Variants in COX15 observed in about 807,000 individuals in gnomAD.
The protein encoded by COX15 is cytochrome c oxidase assembly factor COX15, also known as heme A synthase COX15.
Under a neutral mutation model 51.9 loss-of-function variants are expected in COX15, and 51 were observed. The observed-to-expected ratio is 0.98, with a 90% confidence interval of 0.78 to 1.24. The LOEUF is 1.24. COX15 is among the 50% of genes most tolerant of loss of function. The probability of loss-of-function intolerance (pLI) is 0.00; values close to 1 mark genes in which losing one functional copy is unlikely to be tolerated. For missense variants in COX15, 420 were observed against 501.1 expected (o/e 0.84, Z 1.55); for synonymous variants, 188 against 190.5 (o/e 0.99, Z 0.11).
chr10:99,709,164 G>C, downstream of COX15: 1 of 985,152 alleles, frequency 1.0e-6, no homozygotes, highest in Non-Finnish European at 1.2e-6. Flanking sequence ...CTAGATGAAG[G>C]TATAAATGCC....
At chr10:99,695,947 G>C in the COX15 span, 1 of 1,610,402 alleles carries the variant, frequency 6.2e-7, no homozygotes, top group East Asian at 2.2e-5. Flanking sequence ...TCTTGGTATT[G>C]TATTATAGGA....
chr10:99,715,864 C>T (rs369637920), intron 8 of COX15, among the ~76,000 whole-genome samples: 26 of 152,092 alleles, frequency 1.7e-4, no homozygotes, highest in African/African-American at 6.0e-4. Context: ...TTCATGTTTA[C>T]TGGCCATTAA....
chr10:99,727,411 G>A (rs1276638252), intron 3 of COX15, 30 bp downstream of exon 3: 1 of 1,610,488 alleles, frequency 6.2e-7, no homozygotes, highest in South Asian at 1.1e-5. Flanking sequence ...GGCCTACTGG[G>A]ATGTTTACCT....
rs1486568974 is a variant in COX15, at chr10:99,724,012, C to T, written c.694G>A (p.Val232Ile). 2 of 1,614,058 alleles carry T rather than the reference C, an allele frequency of 1.2e-6. No homozygotes were observed. The highest frequency in any genetic ancestry group is 1.1e-5 in the South Asian group (1 of 91,074). The change falls in exon 5 of 9, where the codon GTT becomes ATT. Residue 232 changes from valine (V) to isoleucine (I), a missense_variant. Transcript: ENST00000016171. ...GTCCACAAGCTGGCACAATAAAGAA[C>T]CAGGGCTGATCCCAGGTGGGCAGCA... ...RLAAHLGSALVLYCASLWTSL... is the reference protein window; with the variant it reads ...RLAAHLGSALILYCASLWTSL...
chr10:99,711,253 G>T lies in COX15; in HGVS notation c.*3334C>A. On this transcript the variant is annotated 3_prime_UTR_variant, in exon 9 of 9. Coordinates refer to ENST00000016171, the MANE Select transcript of COX15 (RefSeq NM_078470.6). Reference sequence around the variant, plus strand: ...ATCTGAAACCTTAACTTACTCATGAGTTGCTACTTCCTTGGAGGCAACTGT... The same window carrying T: ...ATCTGAAACCTTAACTTACTCATGATTTGCTACTTCCTTGGAGGCAACTGT... 4 of 985,394 alleles carry T rather than the reference G, an allele frequency of 4.1e-6. No individual in the cohort carries two copies. Among genetic ancestry groups the T allele is most frequent in the Non-Finnish European group, 4.8e-6 (4 of 829,906 alleles). 61.0% of individuals were successfully genotyped at this position (985,394 alleles called of 1,614,324 possible).
chr10:99,717,262 G>T (rs2036608185), intron 7 of COX15, among the ~76,000 whole-genome samples: 1 of 152,172 alleles, frequency 6.6e-6, no homozygotes, highest in African/African-American at 2.4e-5. Flanking sequence ...CTCATTCTGA[G>T]GGTCCCATCC....
At chr10:99,727,677 C>A (rs1443087691) in intron 2 of COX15, 114 bp from the exon 3 acceptor site, 48 of 1,275,968 alleles carry the variant, frequency 3.8e-5, no homozygotes, top group Non-Finnish European at 5.3e-5. Context: ...CACATTGTTT[C>A]CTTGTTTCCT....
chr10:99,704,342 T>A, the COX15 span: 1 of 1,066,840 alleles, frequency 9.4e-7, no homozygotes, highest in African/African-American at 1.6e-5. Flanking sequence ...ATAAAATGTT[T>A]ATGTGGATGG....
chr10:99,701,785 C>T, the COX15 span, among the ~76,000 whole-genome samples: 1 of 151,992 alleles, frequency 6.6e-6, no homozygotes, highest in East Asian at 1.9e-4. Context: ...TGGTGGCTCA[C>T]ACCTGTAATC....
At position 99,712,961 on chromosome 10, in the gene COX15, C is replaced by T. The variant is rs1361768768; in HGVS notation, c.*1626G>A. 1.6e-5 allele frequency: 16 copies of T among 970,340 alleles called. No individual in the cohort carries two copies. The highest frequency in any genetic ancestry group is 1.9e-5 in the Non-Finnish European group (15 of 805,060). The allele number at this position is 970,340 out of a possible 1,614,324, so 60.1% of individuals were successfully genotyped here. ...GATGTTCTCTGCTCCAGTTAAATAT[C>T]CCTAGTTCCTTCACCTATTCCCTGT... is the stretch of plus-strand genomic sequence containing the variant. On this transcript the variant is annotated 3_prime_UTR_variant, in exon 9 of 9. Transcript: ENST00000016171.
downstream of COX15, chr10:99,708,944 G>A (rs938718256): frequency 1.0e-6 from 1 of 985,174 alleles, no homozygotes; most frequent in African/African-American, 1.7e-5. Context: ...CTTTACAACT[G>A]CTTCTGACAT....
At chr10:99,696,085 G>A in the COX15 span, 14 of 1,614,014 alleles carry the variant, frequency 8.7e-6, no homozygotes, top group Admixed American at 3.3e-5. Flanking sequence ...GCAGCGCTAC[G>A]AAGACCTTGT....
At chr10:99,726,210 C>A (rs374223629) in intron 4 of COX15, among the ~76,000 whole-genome samples, 1 of 152,176 alleles carries the variant, frequency 6.6e-6, no homozygotes, top group African/African-American at 2.4e-5. Context: ...TTCCTGTATG[C>A]TTCTGTGGCA....
downstream of COX15, among the ~76,000 whole-genome samples, chr10:99,706,942 G>C (rs899533159): frequency 5.3e-5 from 8 of 152,134 alleles, no homozygotes; most frequent in African/African-American, 1.9e-4. Context: ...CTTGAAACAC[G>C]GAAGTAGTGG....
chr10:99,713,329 C>A lies in COX15; in HGVS notation c.*1258G>T, dbSNP rs904230733. On this transcript the variant is annotated 3_prime_UTR_variant, in exon 9 of 9. Transcript: ENST00000016171. The stretch of plus-strand genomic sequence containing the variant: ...GTTACATTTCTAATCTGTTTAATTT[C>A]ATCTCGATGGGGTCATTCTGGGACT... 11 of 1,606,264 alleles carry A rather than the reference C, an allele frequency of 6.8e-6. No homozygotes were observed. The highest frequency in any genetic ancestry group is 2.7e-5 in the African/African-American group (2 of 74,782).
intron 1 of COX15, 90 bp from the exon 2 acceptor site, chr10:99,729,824 A>T: frequency 8.2e-7 from 1 of 1,225,578 alleles, no homozygotes; most frequent in South Asian, 1.3e-5. Flanking sequence ...GCGAAGTACC[A>T]TAGCATCCCC....
chr10:99,727,318 G>T, intron 3 of COX15, 123 bp downstream of exon 3: 2 of 1,499,616 alleles, frequency 1.3e-6, no homozygotes, highest in Admixed American at 1.7e-5. Flanking sequence ...GGGCTTAGAA[G>T]ACAAGCTGAC....
In COX15 at chr10:99,731,982, G is replaced by A; in HGVS notation, c.68C>T (p.Pro23Leu). 4 of 1,612,288 alleles carry A rather than the reference G, an allele frequency of 2.5e-6. No homozygotes were observed. The highest frequency in any genetic ancestry group is 1.3e-5 in the African/African-American group (1 of 75,052). Residue 23 changes from proline to leucine, a missense_variant, in exon 1 of 9, where the codon CCT becomes CTT. Transcript: ENST00000016171. ...TACCTGTGCTCTAGGCGCTGCCCTA[G>A]GAGCCAGGAGCGGCAGATACTGCCT... is the stretch of plus-strand genomic sequence containing the variant. ...KGRQYLPLLA[P>L]RAAPRAQCDC... is the part of the protein sequence containing the mutation.
chr10:99,710,698 T>A (rs959493196), downstream of COX15: 7 of 985,448 alleles, frequency 7.1e-6, no homozygotes, highest in Admixed American at 2.5e-4. Context: ...CCACCATTCA[T>A]CCCAGGACCA....
Sources: gnomAD v4.1 joint callset for allele counts (sites outside exome capture counted in the v4.1 genomes callset) on GRCh38, gnomAD v4.1.1 for gene constraint, MANE v1.5 for transcripts, NCBI Gene and HGNC (gene_info 2026-07-23, HGNC 2026-07-21) for gene names.